GORASP2: variants seen among roughly 807,000 people sequenced by gnomAD.
GORASP2 encodes golgi reassembly stacking protein 2.
A neutral mutation model predicts 45.7 loss-of-function variants in GORASP2; 22 were observed. That is an observed-to-expected ratio of 0.48 (90% CI 0.34 to 0.69). The LOEUF (loss-of-function observed/expected upper bound fraction) is 0.69. Among genes scored for constraint, GORASP2 ranks in the 30% least tolerant of loss-of-function variants. The pLI is 0.01. For synonymous variants in GORASP2, 221 were observed against 215.6 expected, an observed-to-expected ratio of 1.02 and a Z score of -0.22; for missense variants, 491 against 562.7, an observed-to-expected ratio of 0.87 and a Z score of 1.29.
chr2:170,958,653 CTTTTTTTT>C (rs1179921216), intron 7 of GORASP2, among the ~76,000 whole-genome samples: 1 of 105,518 alleles, frequency 9.5e-6, no homozygotes, highest in African/African-American at 3.9e-5. Flanking sequence ...TCCAGATGCT[CTTTTTTTT>C]TTTTTTTTTT....
intron 1 of GORASP2, among the ~76,000 whole-genome samples, chr2:170,930,811 A>G (rs1483447090): frequency 2.0e-5 from 3 of 152,048 alleles, no homozygotes; most frequent in Non-Finnish European, 2.9e-5. Flanking sequence ...TTTTCTTTCT[A>G]TTATCTGGTC....
intron 1 of GORASP2, among the ~76,000 whole-genome samples, chr2:170,930,674 A>G (rs1703801505): frequency 6.6e-6 from 1 of 152,146 alleles, no homozygotes; most frequent in African/African-American, 2.4e-5. Context: ...CCGAAAGGAA[A>G]AGGGAGCCTA....
intron 1 of GORASP2, among the ~76,000 whole-genome samples, chr2:170,938,533 A>G (rs1437801573): frequency 1.3e-5 from 2 of 151,430 alleles, no homozygotes; most frequent in East Asian, 1.9e-4. Context: ...TTGCATTGCT[A>G]CAGTGTTACT....
chr2:170,929,710 T>C (rs1559304854), intron 1 of GORASP2: 1 of 593,470 alleles, frequency 1.7e-6, no homozygotes, highest in African/African-American at 1.9e-5. Context: ...CCGCACGGCC[T>C]TCTCTCTCCT....
chr2:170,959,340 C>T (rs1704499308), intron 7 of GORASP2, among the ~76,000 whole-genome samples: 1 of 152,206 alleles, frequency 6.6e-6, no homozygotes, highest in Non-Finnish European at 1.5e-5. Flanking sequence ...TTAAATCTTT[C>T]CTCATTACGT....
At chr2:170,960,594 C>T (rs925480913) in intron 7 of GORASP2, among the ~76,000 whole-genome samples, 1 of 152,056 alleles carries the variant, frequency 6.6e-6, no homozygotes, top group Admixed American at 6.5e-5. Flanking sequence ...TTCTTAAAAC[C>T]GAGATTTCAA....
At chr2:170,943,998 T>C (rs971923469) in intron 1 of GORASP2, among the ~76,000 whole-genome samples, 8 of 152,228 alleles carry the variant, frequency 5.3e-5, no homozygotes, top group Admixed American at 1.3e-4. Flanking sequence ...TTTACAAATT[T>C]AACCTGTTCA....
At chr2:170,957,778 A>T (rs1265129934) in intron 7 of GORASP2, among the ~76,000 whole-genome samples, 2 of 152,184 alleles carry the variant, frequency 1.3e-5, no homozygotes, top group East Asian at 1.9e-4. Context: ...AGAATATTGT[A>T]TCACACCAAA....
intron 1 of GORASP2, among the ~76,000 whole-genome samples, chr2:170,946,043 G>A (rs1476943920): frequency 1.3e-5 from 2 of 151,804 alleles, no homozygotes; most frequent in African/African-American, 4.8e-5. Context: ...ACAGGGTCTC[G>A]CCCTGTCCCC....
At chr2:170,938,800 G>A (rs888199721) in intron 1 of GORASP2, among the ~76,000 whole-genome samples, 1 of 152,136 alleles carries the variant, frequency 6.6e-6, no homozygotes, top group Admixed American at 6.6e-5. Flanking sequence ...AGACTAGCCT[G>A]GCCAACATGG....
intron 1 of GORASP2, among the ~76,000 whole-genome samples, chr2:170,934,830 G>A (rs1171494274): frequency 5.3e-5 from 8 of 151,380 alleles, no homozygotes; most frequent in African/African-American, 9.7e-5. Flanking sequence ...CTCCGCCTCC[G>A]AAGTCCAAGC....
chr2:170,956,650 C>T (rs761741387), intron 7 of GORASP2, 91 bp downstream of exon 7: 8 of 1,110,936 alleles, frequency 7.2e-6, no homozygotes, highest in Non-Finnish European at 1.0e-5. Context: ...GTGGCTCACA[C>T]CTGTAATCCC....
chr2:170,934,842 A>G (rs1017793594), intron 1 of GORASP2, among the ~76,000 whole-genome samples: 10 of 151,292 alleles, frequency 6.6e-5, no homozygotes, highest in Non-Finnish European at 1.2e-4. Context: ...AGTCCAAGCA[A>G]TTCTCCTGCC....
chr2:170,955,739 C>T (rs1704410615), intron 6 of GORASP2, among the ~76,000 whole-genome samples: 1 of 152,234 alleles, frequency 6.6e-6, no homozygotes, highest in Non-Finnish European at 1.5e-5. Flanking sequence ...CTAATCAGGG[C>T]TTTCCCAGTT....
At chr2:170,935,257 C>G (rs992958999) in intron 1 of GORASP2, among the ~76,000 whole-genome samples, 2 of 151,704 alleles carry the variant, frequency 1.3e-5, no homozygotes, top group Admixed American at 1.3e-4. Context: ...TGATTATATA[C>G]ACTTTTTTTT....
chr2:170,948,554 G>A (rs1704228437), intron 2 of GORASP2, 124 bp downstream of exon 2: 9 of 592,740 alleles, frequency 1.5e-5, no homozygotes, highest in Non-Finnish European at 2.7e-5. Context: ...CCAATTTATA[G>A]AAATAATCAT....
At chr2:170,959,768 G>C (rs896538141) in intron 7 of GORASP2, among the ~76,000 whole-genome samples, 2 of 151,286 alleles carry the variant, frequency 1.3e-5, no homozygotes, top group African/African-American at 4.9e-5. Flanking sequence ...AGATTTTGAA[G>C]TGGCATCGAT....
intron 1 of GORASP2, among the ~76,000 whole-genome samples, chr2:170,935,981 T>C (rs1402048533): frequency 6.6e-6 from 1 of 152,192 alleles, no homozygotes; most frequent in Non-Finnish European, 1.5e-5. Context: ...AATTATGGTT[T>C]CAGTAAGTAG....
intron 9 of GORASP2, among the ~76,000 whole-genome samples, chr2:170,963,925 A>G (rs1212633991): frequency 2.0e-5 from 3 of 152,156 alleles, no homozygotes; most frequent in Admixed American, 6.5e-5. Context: ...GATTACAGGC[A>G]TGAGCCATCT....
Sources: allele counts gnomAD v4.1 joint callset (sites outside exome capture counted in the v4.1 genomes callset), GRCh38; gene constraint gnomAD v4.1.1; transcripts MANE v1.5; gene names NCBI Gene and HGNC (gene_info 2026-07-23, HGNC 2026-07-21).